Variants in QTMAN observed in about 807,000 individuals in gnomAD.
QTMAN encodes the protein queuosine-tRNA mannosyltransferase, also known as tRNA-queuosine alpha-mannosyltransferase.
chr2:143,976,803 A>G, the QTMAN span, among the ~76,000 whole-genome samples: 528 of 152,302 alleles, frequency 3.5e-3, 2 homozygotes, highest in African/African-American at 0.011. Flanking sequence ...TCATTTACTT[A>G]AGAGTTGACA....
the QTMAN span, among the ~76,000 whole-genome samples, chr2:144,057,708 T>C: frequency 1.3e-5 from 2 of 152,224 alleles, no homozygotes; most frequent in Non-Finnish European, 2.9e-5. Flanking sequence ...ATTTCTCAAC[T>C]GAATCTCTTT....
At chr2:144,070,579 C>CA in the QTMAN span, among the ~76,000 whole-genome samples, 9 of 151,896 alleles carry the variant, frequency 5.9e-5, no homozygotes, top group Admixed American at 6.6e-5. Context: ...TAAATATTAG[C>CA]AAAAAAATAC....
chr2:144,167,849 CT>C, the QTMAN span, among the ~76,000 whole-genome samples: 1 of 152,174 alleles, frequency 6.6e-6, no homozygotes, highest in Non-Finnish European at 1.5e-5. Flanking sequence ...ACTTCACCCT[CT>C]GCCATATGTT....
the QTMAN span, among the ~76,000 whole-genome samples, chr2:144,022,842 A>G: frequency 2.0e-5 from 3 of 152,070 alleles, no homozygotes; most frequent in African/African-American, 4.8e-5. Flanking sequence ...GATTACAGGC[A>G]TGAGAATGTA....
the QTMAN span, among the ~76,000 whole-genome samples, chr2:144,059,359 T>C: frequency 2.6e-5 from 4 of 152,170 alleles, no homozygotes; most frequent in African/African-American, 9.7e-5. Context: ...TGAATACAAC[T>C]GTACCCAAGC....
the QTMAN span, among the ~76,000 whole-genome samples, chr2:144,226,306 T>C: frequency 3.9e-5 from 6 of 152,178 alleles, no homozygotes; most frequent in Non-Finnish European, 7.4e-5. Context: ...ATCAAGTGCA[T>C]ACTGTGAGCC....
the QTMAN span, among the ~76,000 whole-genome samples, chr2:144,275,255 G>A: frequency 4.0e-5 from 6 of 151,808 alleles, no homozygotes; most frequent in Non-Finnish European, 8.8e-5. Context: ...GTGGTGGCAG[G>A]TGCCTGTAAT....
At chr2:144,071,840 A>C in the QTMAN span, among the ~76,000 whole-genome samples, 1 of 152,258 alleles carries the variant, frequency 6.6e-6, no homozygotes, top group South Asian at 2.1e-4. Context: ...TAATCAAACA[A>C]ATCTTTTTCA....
the QTMAN span, among the ~76,000 whole-genome samples, chr2:144,190,662 G>T: frequency 6.6e-6 from 1 of 151,976 alleles, no homozygotes; most frequent in Non-Finnish European, 1.5e-5. Flanking sequence ...ATAACAATTC[G>T]GTAAAATCGA....
the QTMAN span, among the ~76,000 whole-genome samples, chr2:143,973,924 G>T: frequency 1.3e-5 from 2 of 152,124 alleles, no homozygotes; most frequent in Non-Finnish European, 2.9e-5. Context: ...GTTTAGTAAA[G>T]AACTCATTCT....
the QTMAN span, chr2:144,145,785 AG>A: frequency 4.0e-6 from 6 of 1,508,462 alleles, no homozygotes; most frequent in South Asian, 7.2e-5. Flanking sequence ...GTATGTTTGA[AG>A]GGATCATGCT....
At chr2:144,329,146 G>A in the QTMAN span, among the ~76,000 whole-genome samples, 1 of 152,076 alleles carries the variant, frequency 6.6e-6, no homozygotes, top group South Asian at 2.1e-4. Flanking sequence ...AGGAGGCTGA[G>A]GCAGGAAACC....
the QTMAN span, among the ~76,000 whole-genome samples, chr2:144,087,349 G>C: frequency 1.3e-5 from 2 of 152,056 alleles, no homozygotes; most frequent in Admixed American, 1.3e-4. Flanking sequence ...ATTAGGCCTA[G>C]ATAGTTTAAC....
At chr2:144,243,264 T>C in the QTMAN span, among the ~76,000 whole-genome samples, 24 of 152,238 alleles carry the variant, frequency 1.6e-4, no homozygotes, top group Admixed American at 6.5e-5. Flanking sequence ...CTAAGGTTTC[T>C]AACTCTGTCA....
chr2:144,043,619 T>G, the QTMAN span, among the ~76,000 whole-genome samples: 2 of 149,622 alleles, frequency 1.3e-5, no homozygotes, highest in Non-Finnish European at 3.0e-5. Flanking sequence ...GGCAATAGAA[T>G]AAGACTCCGT....
At chr2:144,088,849 A>C in the QTMAN span, among the ~76,000 whole-genome samples, 3 of 152,088 alleles carry the variant, frequency 2.0e-5, no homozygotes, top group Non-Finnish European at 2.9e-5. Context: ...TAAACATAAG[A>C]CCTGAAACTA....
chr2:144,210,215 C>T, the QTMAN span, among the ~76,000 whole-genome samples: 1 of 152,162 alleles, frequency 6.6e-6, no homozygotes, highest in East Asian at 1.9e-4. Flanking sequence ...TGACCTTGGA[C>T]AAGTTACCTA....
At chr2:144,068,719 T>C in the QTMAN span, among the ~76,000 whole-genome samples, 3 of 152,202 alleles carry the variant, frequency 2.0e-5, no homozygotes, top group Non-Finnish European at 2.9e-5. Context: ...GCATCAACAT[T>C]ATGCCAAAAC....
the QTMAN span, among the ~76,000 whole-genome samples, chr2:144,122,610 A>C: frequency 6.6e-6 from 1 of 152,132 alleles, no homozygotes; most frequent in Non-Finnish European, 1.5e-5. Flanking sequence ...CTATTTCAAT[A>C]AGCAACCTAC....
Sources: gnomAD v4.1 joint callset for allele counts (sites outside exome capture counted in the v4.1 genomes callset) on GRCh38, gnomAD v4.1.1 for gene constraint, MANE v1.5 for transcripts, NCBI Gene and HGNC (gene_info 2026-07-23, HGNC 2026-07-21) for gene names.